FOXP1: variants seen among roughly 807,000 people sequenced by gnomAD.
The protein encoded by FOXP1 is forkhead box protein P1.
A neutral mutation model predicts 98.2 loss-of-function variants in FOXP1; 15 were observed. The ratio of observed to expected loss-of-function variants is 0.15; its 90% CI spans 0.10 to 0.24. The LOEUF is 0.24. Among genes scored for constraint, FOXP1 ranks in the 10% least tolerant of loss-of-function variants. The pLI is 1.00. For synonymous variants in FOXP1, 371 were observed against 314.5 expected (o/e 1.18, Z -1.90); for missense variants, 633 against 848.5 (o/e 0.75, Z 3.15).
intron 6 of FOXP1, among the ~76,000 whole-genome samples, chr3:71,128,715 A>G (rs751238782): frequency 3.9e-5 from 6 of 152,146 alleles, no homozygotes; most frequent in Admixed American, 6.5e-5. Context: ...CAGTCGAACT[A>G]CTGAGGCAGA....
rs527345083 is a variant in FOXP1, at chr3:71,404,980, T to C, written c.-167-45736A>G. 2.0e-5 allele frequency among the ~76,000 whole-genome samples: 3 copies of C among 152,326 alleles called. No homozygotes were observed. In the South Asian group the frequency reaches 6.2e-4, roughly 32 times the overall value. On this transcript the variant is annotated intron_variant, in intron 3 of 20. Transcript: ENST00000649528. ...TTTATCGTGCAGAGACTGAATCCGG[T>C]ACAAAATGCCACCCCCAGCCCAAGG...
chr3:71,126,897 AAAAAG>A (rs1186955912), intron 6 of FOXP1, among the ~76,000 whole-genome samples: 6 of 151,876 alleles, frequency 4.0e-5, no homozygotes, highest in African/African-American at 7.2e-5. Context: ...AAACAAAAAA[AAAAAG>A]AAAGAAGAAA....
chr3:71,417,012 C>T (rs958895719), intron 3 of FOXP1, among the ~76,000 whole-genome samples: 2 of 152,140 alleles, frequency 1.3e-5, no homozygotes, highest in South Asian at 2.1e-4. Context: ...GAGACTGGGG[C>T]GGAACCAGTC....
intron 2 of FOXP1, among the ~76,000 whole-genome samples, chr3:71,567,157 T>G (rs1358164378): frequency 6.6e-6 from 1 of 152,114 alleles, no homozygotes; most frequent in Non-Finnish European, 1.5e-5. Context: ...TCATCAAACA[T>G]TCTAAAGAAA....
intron 5 of FOXP1, among the ~76,000 whole-genome samples, chr3:71,287,967 G>A (rs1236360026): frequency 1.3e-5 from 2 of 151,660 alleles, no homozygotes; most frequent in African/African-American, 4.8e-5. Flanking sequence ...CGCAACCTCT[G>A]CCTCCCGGGT....
chr3:71,346,163 T>C (rs978595886), intron 4 of FOXP1, among the ~76,000 whole-genome samples: 3 of 152,170 alleles, frequency 2.0e-5, no homozygotes, highest in African/African-American at 7.2e-5. Flanking sequence ...ATATAGGATA[T>C]TGGTTTCAAT....
chr3:70,984,020 G>A (rs2039319887), intron 14 of FOXP1, among the ~76,000 whole-genome samples: 1 of 152,000 alleles, frequency 6.6e-6, no homozygotes, highest in Non-Finnish European at 1.5e-5. Context: ...TTTTCATTAG[G>A]GCAGTTTACT....
intron 3 of FOXP1, chr3:71,360,554 TGCGAATA>T (rs1160333540): frequency 6.6e-6 from 1 of 152,202 alleles, no homozygotes; most frequent in Non-Finnish European, 1.5e-5. Flanking sequence ...AGAAAGTTTT[TGCGAATA>T]GCTGTCAGTA....
chr3:71,332,583 A>T (rs2076401314), intron 4 of FOXP1: 1 of 152,182 alleles, frequency 6.6e-6, no homozygotes, highest in Admixed American at 6.6e-5. Context: ...AAAATATAAA[A>T]ATTGGCCAGG....
chr3:70,993,769 C>T (rs532840417), intron 13 of FOXP1, among the ~76,000 whole-genome samples: 17 of 152,196 alleles, frequency 1.1e-4, no homozygotes, highest in South Asian at 8.3e-4. Context: ...CCGAGGCAGG[C>T]GGATCCCTTG....
At chr3:71,267,124 A>AGAGAGAGAGTGTGT (rs142661368) in intron 5 of FOXP1, among the ~76,000 whole-genome samples, 4 of 148,298 alleles carry the variant, frequency 2.7e-5, no homozygotes, top group African/African-American at 9.9e-5. Context: ...TATGGGAGAG[A>AGAGAGAGAGTGTGT]GTGTGTGTGT....
chr3:71,331,571 G>A (rs2076313964), intron 4 of FOXP1, among the ~76,000 whole-genome samples: 1 of 152,226 alleles, frequency 6.6e-6, no homozygotes, highest in Non-Finnish European at 1.5e-5. Context: ...TGAGTCTAGT[G>A]GGGACTTGGA....
chr3:71,505,934 T>A (rs2041792030), intron 2 of FOXP1, among the ~76,000 whole-genome samples: 1 of 152,184 alleles, frequency 6.6e-6, no homozygotes, highest in South Asian at 2.1e-4. Flanking sequence ...TGCACTGTGG[T>A]ACCACATGCA....
At chr3:71,065,230 G>C (rs1363459094) in intron 7 of FOXP1, among the ~76,000 whole-genome samples, 1 of 151,942 alleles carries the variant, frequency 6.6e-6, no homozygotes, top group Non-Finnish European at 1.5e-5. Flanking sequence ...GGCTCGGCGC[G>C]CACCGCTCCC....
intron 6 of FOXP1, among the ~76,000 whole-genome samples, chr3:71,122,426 TG>T (rs143283940): frequency 2.0e-5 from 3 of 152,196 alleles, no homozygotes; most frequent in South Asian, 2.1e-4. Context: ...AATATTAGGA[TG>T]GGGGGGAATC....
intron 3 of FOXP1, among the ~76,000 whole-genome samples, chr3:71,361,001 G>A (rs2078524338): frequency 6.6e-6 from 1 of 152,118 alleles, no homozygotes; most frequent in African/African-American, 2.4e-5. Context: ...TGTTTTCTAG[G>A]TATCTGGTGT....
intron 4 of FOXP1, among the ~76,000 whole-genome samples, chr3:71,317,735 C>T (rs149788856): frequency 1.3e-5 from 2 of 152,032 alleles, no homozygotes; most frequent in Admixed American, 6.6e-5. Context: ...CTGTCCCCCC[C>T]ACACAATTGT....
intron 5 of FOXP1, among the ~76,000 whole-genome samples, chr3:71,227,950 C>A (rs1369781061): frequency 7.1e-6 from 1 of 141,332 alleles, no homozygotes; most frequent in Non-Finnish European, 1.5e-5. Context: ...TATGACTATG[C>A]AGCTCCCGAT....
chr3:71,386,647 G>C (rs1955041862), intron 3 of FOXP1, among the ~76,000 whole-genome samples: 2 of 148,348 alleles, frequency 1.3e-5, no homozygotes, highest in Non-Finnish European at 1.5e-5. Flanking sequence ...GGAGGCTGAG[G>C]CAAGAGAATC....
Sources: gnomAD v4.1 joint callset for allele counts (sites outside exome capture counted in the v4.1 genomes callset) on GRCh38, gnomAD v4.1.1 for gene constraint, MANE v1.5 for transcripts, NCBI Gene and HGNC (gene_info 2026-07-23, HGNC 2026-07-21) for gene names.